SOX6: variants seen among roughly 807,000 people sequenced by gnomAD.
SOX6 encodes the protein SRY-box transcription factor 6, also known as transcription factor SOX-6.
A neutral mutation model predicts 97.8 loss-of-function variants in SOX6; 11 were observed. That is an observed-to-expected ratio of 0.11 (90% CI 0.07 to 0.19). The LOEUF is 0.19. Among genes scored for constraint, SOX6 ranks in the 10% least tolerant of loss-of-function variants. SOX6 has a pLI of 1.00. For synonymous variants in SOX6, 360 were observed against 371.4 expected, an observed-to-expected ratio of 0.97 and a Z score of 0.35; for missense variants, 810 against 1,039.5, an observed-to-expected ratio of 0.78 and a Z score of 3.04.
intron 15 of SOX6, among the ~76,000 whole-genome samples, chr11:15,977,103 A>G (rs998738727): frequency 1.3e-5 from 2 of 152,036 alleles, no homozygotes; most frequent in South Asian, 4.2e-4. Context: ...TCATACCTTT[A>G]TCTACCCCCT....
In SOX6 at chr11:15,989,220, T is replaced by C; in HGVS notation, c.1743A>G (p.Ala581=). 1 of 1,602,600 alleles carries C rather than the reference T, an allele frequency of 6.2e-7. No homozygotes were observed. ...TRPEDAEGSK[A]MNGSAAKLQQ... ...GTAGTTTAGCTGCAGAGCCATTCAT[T>C]GCTTTACTTCCTGTAATGTCAGGGC... Residue 581 remains alanine (A), a synonymous_variant, in exon 14 of 16, where the codon GCA becomes GCG. Transcript: ENST00000683767.
At chr11:16,564,101 T>G (rs1468545113) in intron 4 of SOX6, among the ~76,000 whole-genome samples, 1 of 151,852 alleles carries the variant, frequency 6.6e-6, no homozygotes, top group East Asian at 1.9e-4. Context: ...CTAAAAAAAA[T>G]GACTAAAGGA....
chr11:16,398,563 T>C (rs1406710330), intron 1 of SOX6, among the ~76,000 whole-genome samples: 1 of 151,334 alleles, frequency 6.6e-6, no homozygotes. Flanking sequence ...TACTCCATTA[T>C]AGAAAAAAAA....
chr11:16,453,161 G>A (rs939914741), intron 1 of SOX6, among the ~76,000 whole-genome samples: 17 of 151,938 alleles, frequency 1.1e-4, no homozygotes, highest in African/African-American at 3.9e-4. Flanking sequence ...GCTATGAGTG[G>A]GTTTTTGTTA....
At chr11:16,410,190 T>A (rs1858775562) in intron 1 of SOX6, among the ~76,000 whole-genome samples, 1 of 152,166 alleles carries the variant, frequency 6.6e-6, no homozygotes. Context: ...TACATATAAT[T>A]ATAATTTACC....
At chr11:16,574,072 T>C (rs1847961225) in intron 4 of SOX6, among the ~76,000 whole-genome samples, 2 of 152,176 alleles carry the variant, frequency 1.3e-5, no homozygotes, top group Non-Finnish European at 2.9e-5. Flanking sequence ...ATTTTACTAA[T>C]AGATTAAATG....
chr11:16,094,014 T>G (rs1264304299), intron 9 of SOX6, among the ~76,000 whole-genome samples: 1 of 151,846 alleles, frequency 6.6e-6, no homozygotes, highest in African/African-American at 2.4e-5. Flanking sequence ...AAAGGTTTCC[T>G]GACATGCAGG....
intron 15 of SOX6, among the ~76,000 whole-genome samples, chr11:15,974,598 A>C (rs918083900): frequency 1.5e-4 from 20 of 129,248 alleles, no homozygotes; most frequent in African/African-American, 4.0e-4. Flanking sequence ...TGTCCATGTG[A>C]TCTCATTGTT....
chr11:16,608,681 T>C (rs1848363771), intron 4 of SOX6, among the ~76,000 whole-genome samples: 2 of 151,996 alleles, frequency 1.3e-5, no homozygotes, highest in Non-Finnish European at 2.9e-5. Flanking sequence ...ATATGGATTA[T>C]ATAGTTTATG....
chr11:16,253,101 A>C (rs1853566333), intron 3 of SOX6, among the ~76,000 whole-genome samples: 1 of 152,200 alleles, frequency 6.6e-6, no homozygotes, highest in South Asian at 2.1e-4. Flanking sequence ...TAATCCCAGC[A>C]CTTTGGGAGG....
intron 7 of SOX6, among the ~76,000 whole-genome samples, chr11:16,109,998 TTC>T (rs1280941858): frequency 1.3e-5 from 2 of 152,158 alleles, no homozygotes; most frequent in East Asian, 1.9e-4. Flanking sequence ...TTGTCCCAAT[TTC>T]TCTGTTTTTC....
chr11:16,630,345 A>T (rs1436123967), intron 3 of SOX6, among the ~76,000 whole-genome samples: 1 of 152,102 alleles, frequency 6.6e-6, no homozygotes, highest in Non-Finnish European at 1.5e-5. Context: ...TTCATTGTTT[A>T]CCCAAAAGTC....
intron 4 of SOX6, among the ~76,000 whole-genome samples, chr11:16,568,029 G>T (rs573923166): frequency 1.3e-5 from 2 of 151,872 alleles, no homozygotes; most frequent in African/African-American, 4.8e-5. Context: ...TGACACTTTC[G>T]CTTTCTGATG....
chr11:16,703,229 T>C (rs959947736), intron 3 of SOX6, among the ~76,000 whole-genome samples: 6 of 152,204 alleles, frequency 3.9e-5, no homozygotes, highest in Admixed American at 3.9e-4. Context: ...TATGAGGGTA[T>C]CTCCAATTAT....
chr11:16,368,518 C>A (rs954528907), intron 1 of SOX6, among the ~76,000 whole-genome samples: 4 of 152,180 alleles, frequency 2.6e-5, no homozygotes, highest in African/African-American at 9.6e-5. Context: ...TAAAAAATGT[C>A]TTTTCAACAA....
chr11:16,087,271 T>G lies in SOX6; in HGVS notation c.1101+8725A>C, dbSNP rs1386147656. Among the ~76,000 whole-genome samples the G allele has an allele frequency of 2.0e-5, 3 of 152,280 alleles. No individual in the cohort carries two copies. In the East Asian group the frequency reaches 5.8e-4, roughly 29 times the overall value. On this transcript the variant is annotated intron_variant, in intron 9 of 15. Coordinates refer to ENST00000683767, the MANE Select transcript of SOX6 (RefSeq NM_001367873.1). ...TGTATATATGTGTACACATATAATATTAATACTACTCATGTTTCTTTTAAA... is the reference window on the plus strand; with the variant it reads ...TGTATATATGTGTACACATATAATAGTAATACTACTCATGTTTCTTTTAAA...
chr11:16,238,583 G>A (rs981077264), intron 3 of SOX6, among the ~76,000 whole-genome samples: 1 of 152,030 alleles, frequency 6.6e-6, no homozygotes, highest in Non-Finnish European at 1.5e-5. Flanking sequence ...AGACAAACCT[G>A]CAGCAGTATT....
At chr11:16,073,917 G>A (rs926973447) in intron 9 of SOX6, among the ~76,000 whole-genome samples, 1 of 152,254 alleles carries the variant, frequency 6.6e-6, no homozygotes, top group African/African-American at 2.4e-5. Flanking sequence ...CAATATACCA[G>A]AATTTCTGGG....
At chr11:16,689,601 C>A (rs1847997135) in intron 3 of SOX6, among the ~76,000 whole-genome samples, 1 of 152,110 alleles carries the variant, frequency 6.6e-6, no homozygotes, top group Admixed American at 6.6e-5. Context: ...TTTAGTAGTC[C>A]TAGCAGCATG....
Sources: allele counts gnomAD v4.1 joint callset (sites outside exome capture counted in the v4.1 genomes callset), GRCh38; gene constraint gnomAD v4.1.1; transcripts MANE v1.5; gene names NCBI Gene and HGNC (gene_info 2026-07-23, HGNC 2026-07-21).